PDCD4: variants seen among roughly 807,000 people sequenced by gnomAD.
PDCD4 encodes programmed cell death 4.
In PDCD4, 56 loss-of-function variants were observed where a neutral mutation model predicts 54.0. The ratio of observed to expected loss-of-function variants is 1.04; its 90% CI spans 0.84 to 1.30. The LOEUF (loss-of-function observed/expected upper bound fraction) is 1.30. Ranked by LOEUF, PDCD4 falls within the 50% of genes most tolerant of loss-of-function variation. The pLI is 0.00. For missense variants in PDCD4, 584 were observed against 559.8 expected, an observed-to-expected ratio of 1.04 and a Z score of -0.44; for synonymous variants, 186 against 194.8, an observed-to-expected ratio of 0.95 and a Z score of 0.37.
chr10:110,881,124 CA>C, intron 2 of PDCD4, 108 bp from the exon 3 acceptor site: 2 of 741,828 alleles, frequency 2.7e-6, no homozygotes, highest in Non-Finnish European at 4.4e-6. Context: ...AATTTACCTA[CA>C]AAAATGGTAA....
chr10:110,881,179 A>G (rs1845584674), intron 2 of PDCD4, 54 bp from the exon 3 acceptor site: 78 of 1,327,788 alleles, frequency 5.9e-5, no homozygotes, highest in Non-Finnish European at 8.1e-5. Context: ...TATATCTATA[A>G]AACAGTAGAT....
chr10:110,878,593 C>A (rs1845542803), intron 2 of PDCD4, among the ~76,000 whole-genome samples: 1 of 152,188 alleles, frequency 6.6e-6, no homozygotes, highest in Non-Finnish European at 1.5e-5. Flanking sequence ...TTTTGTTTAT[C>A]TCTCTTTACA....
At chr10:110,889,177 G>A (rs371779742) in intron 6 of PDCD4, among the ~76,000 whole-genome samples, 6 of 144,952 alleles carry the variant, frequency 4.1e-5, no homozygotes, top group African/African-American at 1.5e-4. Flanking sequence ...AACTGAGATC[G>A]TGCCACTGCA....
intron 3 of PDCD4, 150 bp downstream of exon 3, chr10:110,881,685 T>C: frequency 1.7e-6 from 1 of 598,750 alleles, no homozygotes; most frequent in Non-Finnish European, 2.7e-6. Context: ...TTTTACTTAG[T>C]AATAATGTGA....
At chr10:110,878,131 A>AT (rs1218169874) in intron 2 of PDCD4, among the ~76,000 whole-genome samples, 1 of 152,218 alleles carries the variant, frequency 6.6e-6, no homozygotes, top group Non-Finnish European at 1.5e-5. Flanking sequence ...TCAGCTTATC[A>AT]TTTTAATTTT....
chr10:110,889,530 C>A lies in PDCD4; in HGVS notation c.778-3C>A. The A allele has an allele frequency of 3.3e-6, 5 of 1,521,696 alleles. No individual in the cohort carries two copies. Among genetic ancestry groups the A allele is most frequent in the Non-Finnish European group, 3.6e-6 (4 of 1,115,222 alleles). The allele number at this position is 1,521,696 out of a possible 1,614,324, so 94.3% of individuals were successfully genotyped here. A position where few individuals can be genotyped will look rare whatever the true frequency, so the allele number is the denominator to read the frequency against. On this transcript the variant is annotated splice_polypyrimidine_tract_variant and splice_region_variant and intron_variant, in intron 6 of 11. Transcript: ENST00000280154. ...ATAGCTCTTTTTTTTTTCCTTTTTA[C>A]AGTTGGTGGGCCAGTTTATTGCTAG...
At chr10:110,884,409 G>C (rs1250839225) in intron 4 of PDCD4, among the ~76,000 whole-genome samples, 1 of 152,146 alleles carries the variant, frequency 6.6e-6, no homozygotes, top group Non-Finnish European at 1.5e-5. Context: ...ATGGTTTGAT[G>C]ATGGATGTTA....
At position 110,895,315 on chromosome 10, in the gene PDCD4, A is replaced by G. The variant is rs188558854; in HGVS notation, c.1210-633A>G. On this transcript the variant is annotated intron_variant, in intron 10 of 11. Coordinates refer to ENST00000280154, the MANE Select transcript of PDCD4 (RefSeq NM_014456.5). ...ACCCAATGTTTAGCTCTCACTTACA[A>G]GTGAGACCATGCATTATTTGGTTTT... 3.9e-5 allele frequency among the ~76,000 whole-genome samples: 6 copies of G among 152,218 alleles called. No individual in the cohort carries two copies. In the East Asian group the frequency reaches 1.2e-3, roughly 29 times the overall value.
At position 110,885,248 on chromosome 10, in the gene PDCD4, C is replaced by G. The variant is rs766800328; in HGVS notation, c.442-5C>G. The G allele has an allele frequency of 7.1e-7, 1 of 1,414,034 alleles. No individual in the cohort carries two copies. Among genetic ancestry groups the G allele is most frequent in the Non-Finnish European group, 9.9e-7 (1 of 1,009,476 alleles). The allele number at this position is 1,414,034 out of a possible 1,614,324, so 87.6% of individuals were successfully genotyped here. On this transcript the variant is annotated splice_region_variant and splice_polypyrimidine_tract_variant and intron_variant, in intron 4 of 11. Coordinates refer to ENST00000280154, the MANE Select transcript of PDCD4 (RefSeq NM_014456.5). ...TATAACTCTTACTCCCTTTTCCCCT[C>G]AAAGGAGAACTGTGTTTATGAAACT...
chr10:110,877,114 C>T (rs1295893089), intron 2 of PDCD4, among the ~76,000 whole-genome samples: 1 of 152,104 alleles, frequency 6.6e-6, no homozygotes. Context: ...AATTAATGAT[C>T]ATTTCTGTGC....
chr10:110,874,681 A>G lies in PDCD4; in HGVS notation c.-62-1285A>G, dbSNP rs527912180. 2.6e-5 allele frequency among the ~76,000 whole-genome samples: 4 copies of G among 152,280 alleles called. No homozygotes were observed. In the East Asian group the frequency reaches 7.7e-4, roughly 29 times the overall value. ...AGCATATTAGTCTGAGGATTATACC[A>G]TAGTAAGAAGCCTATAATTTTAACA... On this transcript the variant is annotated intron_variant, in intron 1 of 11. Coordinates refer to ENST00000280154, the MANE Select transcript of PDCD4 (RefSeq NM_014456.5).
intron 5 of PDCD4, among the ~76,000 whole-genome samples, chr10:110,886,309 T>C (rs1431321254): frequency 6.6e-6 from 1 of 152,182 alleles, no homozygotes; most frequent in Non-Finnish European, 1.5e-5. Context: ...TGAGTACTGT[T>C]TGGAAAGCAT....
chr10:110,898,157 A>ATTT lies in PDCD4; in HGVS notation c.*69_*70insTTT. ...CTGAATTGTAAGAGTTGTTAGCACA[A>ATTT]GTTTTTTTTTTTTTTTTTTTTAAGC... On this transcript the variant is annotated 3_prime_UTR_variant, in exon 12 of 12. Transcript: ENST00000280154. 3 of 672,972 alleles carry ATTT rather than the reference A, an allele frequency of 4.5e-6. No individual in the cohort carries two copies. The highest frequency in any genetic ancestry group is 6.2e-6 in the Non-Finnish European group (3 of 482,580). 41.7% of individuals were successfully genotyped at this position (672,972 alleles called of 1,614,324 possible). A position where few individuals can be genotyped will look rare whatever the true frequency, so the allele number is the denominator to read the frequency against.
Position 110,898,025 on chromosome 10 carries a change from C to A in PDCD4, c.1350-3C>A. On this transcript the variant is annotated splice_polypyrimidine_tract_variant and splice_region_variant and intron_variant, in intron 11 of 11. Coordinates refer to ENST00000280154, the MANE Select transcript of PDCD4 (RefSeq NM_014456.5). ...TTCATGTCTTTTTTTTTCTTCATTA[C>A]AGGGGCAGAAAGCGTTTTGTAAGCG... The A allele has an allele frequency of 6.3e-7, 1 of 1,576,618 alleles. No homozygotes were observed. The highest frequency in any genetic ancestry group is 8.6e-7 in the Non-Finnish European group (1 of 1,158,500).
chr10:110,885,266 A>T lies in PDCD4; in HGVS notation c.455A>T (p.Tyr152Phe), dbSNP rs537255147. 6.5e-7 allele frequency: 1 copy of T among 1,542,708 alleles called. No homozygotes were observed. The highest frequency in any genetic ancestry group is 2.3e-5 in the East Asian group (1 of 44,092). Residue 152 changes from tyrosine to phenylalanine, a missense_variant, in exon 5 of 12, where the codon TAT (tyrosine) becomes TTT (phenylalanine). Coordinates refer to ENST00000280154, the MANE Select transcript of PDCD4 (RefSeq NM_014456.5). ...NYDDDQENCV[Y>F]ETVVLPLDER... ...TTCCCCTCAAAGGAGAACTGTGTTT[A>T]TGAAACTGTAGTTTTGCCTTTGGAT...
intron 11 of PDCD4, 21 bp from the exon 12 acceptor site, chr10:110,898,007 C>CTT: frequency 4.6e-6 from 7 of 1,516,132 alleles, no homozygotes; most frequent in South Asian, 3.8e-5. Context: ...GTTTTCATGT[C>CTT]TTTTTTTTTC....
intron 1 of PDCD4, among the ~76,000 whole-genome samples, chr10:110,874,642 C>G (rs1435392329): frequency 6.6e-6 from 1 of 151,810 alleles, no homozygotes; most frequent in Non-Finnish European, 1.5e-5. Flanking sequence ...TCTTAAGTTC[C>G]CAAGCAATAT....
chr10:110,886,658 C>T (rs139894844), intron 5 of PDCD4, among the ~76,000 whole-genome samples: 3 of 152,224 alleles, frequency 2.0e-5, no homozygotes, highest in Non-Finnish European at 4.4e-5. Flanking sequence ...AGTTTGGCTA[C>T]TCCAGCTGTG....
At chr10:110,897,363 G>A (rs1845855122) in intron 11 of PDCD4, among the ~76,000 whole-genome samples, 1 of 152,186 alleles carries the variant, frequency 6.6e-6, no homozygotes, top group African/African-American at 2.4e-5. Flanking sequence ...CTATTGGCCT[G>A]GGGTCAGAGA....
Sources: allele counts gnomAD v4.1 joint callset (sites outside exome capture counted in the v4.1 genomes callset), GRCh38; gene constraint gnomAD v4.1.1; transcripts MANE v1.5; gene names NCBI Gene and HGNC (gene_info 2026-07-23, HGNC 2026-07-21).